PPFIA1: variants seen among roughly 807,000 people sequenced by gnomAD.
The protein encoded by PPFIA1 is PPFI scaffold protein A1.
Under a neutral mutation model 149.9 loss-of-function variants are expected in PPFIA1, and 25 were observed. The ratio of observed to expected loss-of-function variants is 0.17; its 90% CI spans 0.12 to 0.23. PPFIA1 has a LOEUF of 0.23. Among genes scored for constraint, PPFIA1 ranks in the 10% least tolerant of loss-of-function variants. PPFIA1 has a pLI of 1.00. For missense variants in PPFIA1, 1,362 were observed against 1,506.5 expected (o/e 0.90, Z 1.59); for synonymous variants, 549 against 552.8 (o/e 0.99, Z 0.10).
chr11:70,338,570 TTAG>T (rs1180094435), intron 13 of PPFIA1, 117 bp downstream of exon 13: 7 of 760,770 alleles, frequency 9.2e-6, no homozygotes, highest in Non-Finnish European at 1.5e-5. Context: ...AGCCTGTAGC[TTAG>T]TAGGAAGCGA....
intron 2 of PPFIA1, among the ~76,000 whole-genome samples, chr11:70,289,748 CA>C (rs1168610526): frequency 6.6e-6 from 1 of 152,156 alleles, no homozygotes; most frequent in Non-Finnish European, 1.5e-5. Context: ...TAAGTGTTGG[CA>C]TTACAGGCGT....
Position 70,272,215 on chromosome 11 carries a change from C to A in PPFIA1, c.43C>A (p.Pro15Thr), listed in dbSNP as rs1276918543. The A allele has an allele frequency of 6.2e-7, 1 of 1,614,038 alleles. No individual in the cohort carries two copies. The highest frequency in any genetic ancestry group is 1.3e-5 in the African/African-American group (1 of 75,044). The change falls in exon 2 of 28, where the codon CCC becomes ACC. Residue 15 changes from proline to threonine, a missense_variant. By Grantham distance (38) the Pro-to-Thr change is conservative. Transcript: ENST00000253925. ...VMPTISEAEG[P>T]PGGGGGHGSG... is the part of the protein sequence containing the mutation. ...GCCGACCATCAGCGAAGCAGAAGGC[C>A]CCCCTGGAGGAGGTGGAGGCCATGG...
rs1410024962 is a variant in PPFIA1, at chr11:70,355,676, A to G, written c.2353A>G (p.Ser785Gly). 19 of 1,613,750 alleles carry G rather than the reference A, an allele frequency of 1.2e-5. No individual in the cohort carries two copies. Among genetic ancestry groups the G allele is most frequent in the Non-Finnish European group, 1.6e-5 (19 of 1,179,880 alleles). Residue 785 changes from serine to glycine, a missense_variant, in exon 18 of 28, where the codon AGC becomes GGC. This residue lies in a region of PPFIA1 where 733 missense variants were observed against 744.1 expected (regional missense o/e 0.99). Transcript: ENST00000253925. ...GSQDGPVSNP[S>G]SSNSSQDSLH... is the part of the protein sequence containing the mutation. Reference sequence around the variant, plus strand: ...CCAGGATGGTCCCGTGAGCAACCCCAGCAGTAGCAACAGTAGCCAGGACTC... The same window carrying G: ...CCAGGATGGTCCCGTGAGCAACCCCGGCAGTAGCAACAGTAGCCAGGACTC...
intron 2 of PPFIA1, among the ~76,000 whole-genome samples, chr11:70,313,036 C>T (rs182812895): frequency 6.6e-6 from 1 of 152,116 alleles, no homozygotes; most frequent in Non-Finnish European, 1.5e-5. Context: ...CTTCAGAGGT[C>T]AGAGGGAACA....
At chr11:70,379,448 ACT>A (rs1199521287) in intron 26 of PPFIA1, among the ~76,000 whole-genome samples, 4 of 148,132 alleles carry the variant, frequency 2.7e-5, no homozygotes, top group African/African-American at 7.7e-5. Context: ...ACAGACTGAG[ACT>A]CTGTCTCAAA....
intron 2 of PPFIA1, among the ~76,000 whole-genome samples, chr11:70,305,605 A>G (rs973599938): frequency 6.6e-6 from 1 of 152,176 alleles, no homozygotes; most frequent in Admixed American, 6.5e-5. Context: ...TCCTGAGGTC[A>G]AGCAGTCTGC....
chr11:70,318,469 C>T (rs2053759008), intron 2 of PPFIA1, among the ~76,000 whole-genome samples: 1 of 152,214 alleles, frequency 6.6e-6, no homozygotes, highest in African/African-American at 2.4e-5. Context: ...CAGCTGGACT[C>T]ATCAGTTCCC....
chr11:70,291,892 T>C (rs1459153424), intron 2 of PPFIA1, among the ~76,000 whole-genome samples: 4 of 145,124 alleles, frequency 2.8e-5, no homozygotes, highest in African/African-American at 7.7e-5. Context: ...GGCTGGAGTG[T>C]AGTGGTGCGA....
At chr11:70,305,254 T>G (rs1791847754) in intron 2 of PPFIA1, among the ~76,000 whole-genome samples, 1 of 152,164 alleles carries the variant, frequency 6.6e-6, no homozygotes, top group Non-Finnish European at 1.5e-5. Context: ...CAGAATTTCT[T>G]GGAAATGTTT....
At chr11:70,305,701 T>C (rs1439052810) in intron 2 of PPFIA1, among the ~76,000 whole-genome samples, 1 of 152,180 alleles carries the variant, frequency 6.6e-6, no homozygotes, top group African/African-American at 2.4e-5. Context: ...AATGTAGGAC[T>C]GAATTTGACT....
At chr11:70,332,188 A>G in intron 9 of PPFIA1, 94 bp downstream of exon 9, 1 of 1,409,038 alleles carries the variant, frequency 7.1e-7, no homozygotes, top group South Asian at 1.6e-5. Flanking sequence ...TTACATCAGC[A>G]CCTAAATCCG....
At chr11:70,313,702 T>C (rs1421793615) in intron 2 of PPFIA1, among the ~76,000 whole-genome samples, 1 of 152,100 alleles carries the variant, frequency 6.6e-6, no homozygotes, top group Non-Finnish European at 1.5e-5. Context: ...GTTGGGAGCT[T>C]GGGCAGGAAG....
At chr11:70,315,686 T>G (rs1489130928) in intron 2 of PPFIA1, among the ~76,000 whole-genome samples, 1 of 140,098 alleles carries the variant, frequency 7.1e-6, no homozygotes, top group Non-Finnish European at 1.5e-5. Context: ...CTGTTTTTTT[T>G]TTTTTTTTTT....
chr11:70,366,760 T>C (rs1158007461), intron 21 of PPFIA1, among the ~76,000 whole-genome samples: 1 of 152,256 alleles, frequency 6.6e-6, no homozygotes, highest in Non-Finnish European at 1.5e-5. Context: ...ATTTTCCTGA[T>C]TACGAGGTGA....
intron 2 of PPFIA1, chr11:70,319,819 C>T (rs1007602421): frequency 6.6e-6 from 1 of 152,290 alleles, no homozygotes; most frequent in Non-Finnish European, 1.5e-5. Flanking sequence ...CCTTGCTTAT[C>T]AGATACCTTC....
intron 14 of PPFIA1, among the ~76,000 whole-genome samples, chr11:70,342,828 T>C: frequency 6.6e-6 from 1 of 152,038 alleles, no homozygotes; most frequent in Admixed American, 6.6e-5. Context: ...GATACATTCG[T>C]ATAATTAAAT....
intron 2 of PPFIA1, among the ~76,000 whole-genome samples, chr11:70,306,272 A>G (rs1164353401): frequency 6.6e-6 from 1 of 152,024 alleles, no homozygotes; most frequent in Non-Finnish European, 1.5e-5. Context: ...TTGTAAACGT[A>G]TAGGGGAGTG....
At chr11:70,338,545 G>C (rs1424469728) in intron 13 of PPFIA1, 92 bp downstream of exon 13, 1 of 1,013,336 alleles carries the variant, frequency 9.9e-7, no homozygotes, top group Non-Finnish European at 1.5e-6. Context: ...TGTGGCTAAT[G>C]GTGTGACCTC....
chr11:70,343,969 G>C, intron 15 of PPFIA1, 77 bp downstream of exon 15: 1 of 1,230,992 alleles, frequency 8.1e-7, no homozygotes, highest in Non-Finnish European at 1.2e-6. Flanking sequence ...GAAAAGTCTG[G>C]ATGAAATACT....
Sources: gnomAD v4.1 joint callset for allele counts (sites outside exome capture counted in the v4.1 genomes callset) on GRCh38, gnomAD v4.1.1 for gene constraint, gnomAD v4.1.1 regional missense constraint, MANE v1.5 for transcripts, NCBI Gene and HGNC (gene_info 2026-07-23, HGNC 2026-07-21) for gene names.